PDE4D: variants seen among roughly 807,000 people sequenced by gnomAD.
PDE4D encodes the protein 3',5'-cyclic-AMP phosphodiesterase 4D.
In PDE4D, 24 loss-of-function variants were observed where a neutral mutation model predicts 87.4. The observed-to-expected ratio is 0.27, with a 90% CI of 0.20 to 0.39. PDE4D has a LOEUF of 0.39. Ranked by LOEUF, PDE4D falls within the 10% of genes least tolerant of loss-of-function variation. The pLI is 1.00. For missense variants in PDE4D, 714 were observed against 1,041.0 expected, an observed-to-expected ratio of 0.69 and a Z score of 4.32; for synonymous variants, 384 against 383.2, an observed-to-expected ratio of 1.00 and a Z score of -0.02.
chr5:59,605,995 T>C (rs1360257303), intron 1 of PDE4D, among the ~76,000 whole-genome samples: 1 of 152,038 alleles, frequency 6.6e-6, no homozygotes, highest in Non-Finnish European at 1.5e-5. Context: ...ACCTTCTTTT[T>C]CAGGGAGAAC....
intron 1 of PDE4D, among the ~76,000 whole-genome samples, chr5:59,461,582 T>C (rs993264468): frequency 6.6e-6 from 1 of 152,142 alleles, no homozygotes; most frequent in Non-Finnish European, 1.5e-5. Context: ...ACAATGCAAG[T>C]TAATAAAAGC....
At chr5:59,985,527 C>G (rs1582046904) in intron 3 of PDE4D, among the ~76,000 whole-genome samples, 1 of 152,096 alleles carries the variant, frequency 6.6e-6, no homozygotes, top group Non-Finnish European at 1.5e-5. Context: ...ATATTCAATT[C>G]GCAAATTGTT....
At chr5:59,373,558 T>C (rs777629982) in intron 1 of PDE4D, among the ~76,000 whole-genome samples, 6 of 152,118 alleles carry the variant, frequency 3.9e-5, no homozygotes, top group African/African-American at 7.2e-5. Flanking sequence ...CTACGACTCA[T>C]TGGTGTCCCT....
chr5:59,189,295 G>A (rs1237737635), intron 3 of PDE4D, among the ~76,000 whole-genome samples: 4 of 128,028 alleles, frequency 3.1e-5, no homozygotes, highest in Non-Finnish European at 6.3e-5. Context: ...TGTTGCCCAG[G>A]ATGGAGTGCA....
intron 1 of PDE4D, among the ~76,000 whole-genome samples, chr5:60,399,454 T>A (rs1740849183): frequency 6.6e-6 from 1 of 152,248 alleles, no homozygotes; most frequent in Admixed American, 6.5e-5. Flanking sequence ...ATGAATTTCC[T>A]GCCATGTGAA....
At chr5:60,087,187 T>G (rs944100943) in intron 2 of PDE4D, among the ~76,000 whole-genome samples, 1 of 152,166 alleles carries the variant, frequency 6.6e-6, no homozygotes, top group African/African-American at 2.4e-5. Flanking sequence ...TTTGTACCAG[T>G]GCACACTATA....
At chr5:59,972,963 G>C (rs1760937552) in intron 3 of PDE4D, among the ~76,000 whole-genome samples, 1 of 152,064 alleles carries the variant, frequency 6.6e-6, no homozygotes. Flanking sequence ...CTTTTTTGGG[G>C]AGTCGGTCAC....
chr5:60,427,784 A>G (rs1299216238), intron 1 of PDE4D, among the ~76,000 whole-genome samples: 2 of 152,200 alleles, frequency 1.3e-5, no homozygotes, highest in South Asian at 2.1e-4. Flanking sequence ...AAAGAAAGGG[A>G]GATGAGGCCA....
intron 1 of PDE4D, among the ~76,000 whole-genome samples, chr5:59,639,135 C>A (rs1229583757): frequency 6.6e-6 from 1 of 152,036 alleles, no homozygotes; most frequent in African/African-American, 2.4e-5. Flanking sequence ...AATATCATTT[C>A]CAAATTATTA....
chr5:60,372,900 C>T (rs1761148859), intron 1 of PDE4D, among the ~76,000 whole-genome samples: 1 of 152,198 alleles, frequency 6.6e-6, no homozygotes, highest in Non-Finnish European at 1.5e-5. Flanking sequence ...CCTTTTATCT[C>T]TCCATTATTA....
At chr5:59,313,364 C>T (rs1420159958) in intron 1 of PDE4D, among the ~76,000 whole-genome samples, 3 of 152,090 alleles carry the variant, frequency 2.0e-5, no homozygotes, top group Non-Finnish European at 4.4e-5. Flanking sequence ...CCTCACACTG[C>T]TTTTGAGTAG....
intron 5 of PDE4D, among the ~76,000 whole-genome samples, chr5:59,106,163 A>G (rs1771543627): frequency 6.6e-6 from 1 of 152,220 alleles, no homozygotes; most frequent in Non-Finnish European, 1.5e-5. Context: ...CATACTGCAC[A>G]CACAATTCTT....
chr5:59,765,785 T>C (rs553716863), intron 1 of PDE4D, among the ~76,000 whole-genome samples: 1 of 152,224 alleles, frequency 6.6e-6, no homozygotes, highest in Non-Finnish European at 1.5e-5. Flanking sequence ...AAAAATTCAC[T>C]GTGTCAATCC....
At chr5:59,159,969 A>G (rs1209434972) in intron 5 of PDE4D, among the ~76,000 whole-genome samples, 1 of 152,228 alleles carries the variant, frequency 6.6e-6, no homozygotes, top group Non-Finnish European at 1.5e-5. Flanking sequence ...ATAGATCATT[A>G]GCTCCTAAGT....
intron 7 of PDE4D, among the ~76,000 whole-genome samples, chr5:58,992,785 A>T (rs1290932073): frequency 6.6e-6 from 1 of 152,194 alleles, no homozygotes; most frequent in Non-Finnish European, 1.5e-5. Flanking sequence ...TTAACTATAT[A>T]TAACAGCAAT....
intron 1 of PDE4D, among the ~76,000 whole-genome samples, chr5:59,758,492 T>C (rs1057377392): frequency 6.6e-6 from 1 of 152,224 alleles, no homozygotes; most frequent in Non-Finnish European, 1.5e-5. Context: ...AGAGTATTTA[T>C]GTCCTTAAAA....
intron 1 of PDE4D, among the ~76,000 whole-genome samples, chr5:59,867,430 A>C (rs1747209616): frequency 6.6e-6 from 1 of 152,194 alleles, no homozygotes; most frequent in African/African-American, 2.4e-5. Context: ...TAAATATTAA[A>C]ATTTTATAAT....
At chr5:59,134,065 T>C (rs1176007367) in intron 5 of PDE4D, among the ~76,000 whole-genome samples, 2 of 151,004 alleles carry the variant, frequency 1.3e-5, no homozygotes, top group African/African-American at 4.9e-5. Flanking sequence ...GTTTCTCTTC[T>C]TCCCTACTGC....
intron 5 of PDE4D, among the ~76,000 whole-genome samples, chr5:59,141,760 T>A (rs1197840380): frequency 6.6e-6 from 1 of 152,216 alleles, no homozygotes; most frequent in Non-Finnish European, 1.5e-5. Flanking sequence ...AGCCTACATG[T>A]TCCTGAAGGT....
Sources: allele counts gnomAD v4.1 joint callset (sites outside exome capture counted in the v4.1 genomes callset), GRCh38; gene constraint gnomAD v4.1.1; transcripts MANE v1.5; gene names NCBI Gene and HGNC (gene_info 2026-07-23, HGNC 2026-07-21).